The following JCAD variants were observed in gnomAD, a reference collection of about 807,000 sequenced individuals.
JCAD encodes junctional cadherin 5 associated, also known as junctional cadherin 5-associated protein.
In JCAD, 40 loss-of-function variants were observed where a neutral mutation model predicts 98.0. That is an observed-to-expected ratio of 0.41 (90% confidence interval 0.32 to 0.53). The LOEUF is 0.53. Among genes scored for constraint, JCAD ranks in the 20% least tolerant of loss-of-function variants. The pLI, the probability that JCAD is intolerant of heterozygous loss-of-function variation, is 0.31. For missense variants in JCAD, 1,705 were observed against 1,738.1 expected, an observed-to-expected ratio of 0.98 and a Z score of 0.34; for synonymous variants, 691 against 682.3, an observed-to-expected ratio of 1.01 and a Z score of -0.20.
At chr10:30,104,098 AGTT>A (rs1408183666) in intron 1 of JCAD, among the ~76,000 whole-genome samples, 1 of 152,212 alleles carries the variant, frequency 6.6e-6, no homozygotes, top group Non-Finnish European at 1.5e-5. Context: ...GAAACTGAGA[AGTT>A]AACTTACAGA....
intron 3 of JCAD, among the ~76,000 whole-genome samples, chr10:30,021,724 C>G (rs1277628368): frequency 6.6e-6 from 1 of 152,052 alleles, no homozygotes; most frequent in African/African-American, 2.4e-5. Flanking sequence ...TTTCAAGTGC[C>G]CAGTAGCTGT....
At chr10:30,052,116 TG>T (rs1228770290) in intron 1 of JCAD, among the ~76,000 whole-genome samples, 2 of 152,208 alleles carry the variant, frequency 1.3e-5, no homozygotes, top group Non-Finnish European at 2.9e-5. Context: ...TCTATTCAAA[TG>T]GAAGGGATTA....
At chr10:30,070,307 C>T (rs973671015) in intron 1 of JCAD, among the ~76,000 whole-genome samples, 1 of 152,118 alleles carries the variant, frequency 6.6e-6, no homozygotes, top group Non-Finnish European at 1.5e-5. Context: ...CTTTCTCTGA[C>T]CCCCTCCCTC....
At chr10:30,073,657 CCTTCCTTCCTTCCTTCCTTCCTTG>C (rs1837932281) in intron 1 of JCAD, among the ~76,000 whole-genome samples, 3 of 78,332 alleles carry the variant, frequency 3.8e-5, no homozygotes, top group South Asian at 3.6e-4. Flanking sequence ...GTCCTTCCTT[CCTTCCTTCCTTCCTTCCTTCCTTG>C]CTTCCTTCCT....
In JCAD at chr10:30,059,489, C is replaced by A. The variant is rs1335783585; in HGVS notation, c.-67G>T. 6.6e-6 allele frequency: 1 copy of A among 151,444 alleles called. No individual in the cohort carries two copies. Among genetic ancestry groups the A allele is most frequent in the Non-Finnish European group, 1.5e-5 (1 of 67,568 alleles). 9.4% of individuals were successfully genotyped at this position (151,444 alleles called of 1,614,324 possible). Reference sequence around the variant, plus strand: ...TTAGACGCCGGGACTTACCGAGCGGCTCCCTCATGCCGCCTCGCGCCGCCA... The same window carrying A: ...TTAGACGCCGGGACTTACCGAGCGGATCCCTCATGCCGCCTCGCGCCGCCA... On this transcript the variant is annotated 5_prime_UTR_variant, in exon 1 of 4. Coordinates refer to ENST00000375377, the MANE Select transcript of JCAD (RefSeq NM_020848.4). This position sits in a 1 kb window ranked among gnomAD's most constrained non-coding sequence, Gnocchi z 5.0.
chr10:30,029,279 C>G lies in JCAD; in HGVS notation c.869G>C (p.Gly290Ala). 6.2e-7 allele frequency: 1 copy of G among 1,614,108 alleles called. No individual in the cohort carries two copies. Among genetic ancestry groups the G allele is most frequent in the South Asian group, 1.1e-5 (1 of 91,076 alleles). The change falls in exon 3 of 4, where the codon GGG (glycine) becomes GCG (alanine). Residue 290 changes from glycine to alanine, a missense_variant. Physicochemically the swap from Gly to Ala is moderately conservative, Grantham distance 60. Coordinates refer to ENST00000375377, the MANE Select transcript of JCAD (RefSeq NM_020848.4). ...CSAPFPRPKF[G>A]RPLKPPSYSS... ...GTAAGATGGGGGCTTGAGGGGCCTC[C>G]CAAACTTAGGCCGGGGAAATGGGGC...
Position 30,096,301 on chromosome 10 carries a change from C to T in JCAD, n.128+19066G>A, listed in dbSNP as rs74789388. On this transcript the variant is annotated intron_variant and non_coding_transcript_variant, in intron 1 of 2. Transcript: ENST00000465712. ...CTGGAGCTCAACTCCTGCTGCACCA[C>T]CAACCCCACTGCCCTGAGCCTCAGT... Among the ~76,000 whole-genome samples the T allele has an allele frequency of 4.8e-3, 730 of 152,314 alleles. 2 individuals are homozygous for T. The highest frequency in any genetic ancestry group is 0.016 in the African/African-American group (682 of 41,574).
At chr10:30,047,085 T>C (rs765923639) in intron 2 of JCAD, among the ~76,000 whole-genome samples, 3 of 152,024 alleles carry the variant, frequency 2.0e-5, no homozygotes, top group Non-Finnish European at 2.9e-5. Context: ...AGACCTTGTC[T>C]CTAAAAAAGG....
At position 30,027,984 on chromosome 10, in the gene JCAD, A is replaced by G. The variant is rs750531450; in HGVS notation, c.2164T>C (p.Cys722Arg). The G allele has an allele frequency of 5.6e-6, 9 of 1,614,194 alleles. No homozygotes were observed. The highest frequency in any genetic ancestry group is 4.4e-5 in the South Asian group (4 of 91,078). Reference sequence around the variant, plus strand: ...GCTTCGGAGGCAGCAGGGTCTGAACATTTTGGACTCAATGCTGCACGACTC... The same window carrying G: ...GCTTCGGAGGCAGCAGGGTCTGAACGTTTTGGACTCAATGCTGCACGACTC... ...GPSRAALSPKCSDPAASEAQT... is the reference protein window; with the variant it reads ...GPSRAALSPKRSDPAASEAQT... The change falls in exon 3 of 4, where the codon TGT (cysteine) becomes CGT (arginine). Residue 722 changes from cysteine (C) to arginine (R), a missense_variant. This residue lies in a region of JCAD where 1,278 missense variants were observed against 1,243.1 expected (regional missense o/e 1.03). Transcript: ENST00000375377.
intron 2 of JCAD, among the ~76,000 whole-genome samples, chr10:30,036,371 C>T (rs1837109581): frequency 2.0e-5 from 3 of 152,162 alleles, no homozygotes; most frequent in Middle Eastern, 6.8e-3. Flanking sequence ...ATGGCTTGAA[C>T]CCAGGAGGTG....
chr10:30,073,661 C>CCTTCCTTT (rs1256133628), intron 1 of JCAD, among the ~76,000 whole-genome samples: 3 of 88,970 alleles, frequency 3.4e-5, no homozygotes, highest in African/African-American at 1.3e-4. Context: ...TTCCTTCCTT[C>CCTTCCTTT]CTTCCTTCCT....
At chr10:30,099,145 T>C (rs1012545874) in intron 1 of JCAD, among the ~76,000 whole-genome samples, 7 of 152,206 alleles carry the variant, frequency 4.6e-5, no homozygotes, top group African/African-American at 1.7e-4. Context: ...TAAAGAAAAT[T>C]ATTTAAAAGT....
rs142360840 is a variant in JCAD at position 30,028,413 on chromosome 10, T to C, written c.1735A>G (p.Ile579Val). Residue 579 changes from isoleucine to valine, a missense_variant, in exon 3 of 4, where the codon ATA (isoleucine) becomes GTA (valine). Ile to Val is a conservative substitution (Grantham distance 29). Coordinates refer to ENST00000375377, the MANE Select transcript of JCAD (RefSeq NM_020848.4). Reference protein sequence around the residue: ...KSSKKKMNETIFCLVSIPVKS... With the variant: ...KSSKKKMNETVFCLVSIPVKS... ...ACTGGGATAGAAACCAAGCAAAATA[T>C]AGTCTCGTTCATTTTTTTCTTTGAA... is the stretch of plus-strand genomic sequence containing the variant. The C allele has an allele frequency of 4.4e-4, 718 of 1,614,218 alleles. 3 individuals are homozygous for C. In the African/African-American group the frequency reaches 8.4e-3, roughly 19 times the overall value.
Position 30,028,745 on chromosome 10 carries a change from A to C in JCAD, c.1403T>G (p.Met468Arg). 6.2e-7 allele frequency: 1 copy of C among 1,614,182 alleles called. No homozygotes were observed. The highest frequency in any genetic ancestry group is 1.3e-5 in the African/African-American group (1 of 75,060). ...VTAQEPAHGG[M>R]QPDGAIWNPQ... The stretch of plus-strand genomic sequence containing the variant: ...ATTCCAAATGGCACCATCAGGCTGC[A>C]TTCCTCCATGAGCCGGCTCTTGAGC... The change falls in exon 3 of 4, where the codon ATG becomes AGG. Residue 468 changes from methionine to arginine, a missense_variant. Transcript: ENST00000375377.
At chr10:30,106,577 C>A (rs187026289) in intron 1 of JCAD, among the ~76,000 whole-genome samples, 1 of 152,212 alleles carries the variant, frequency 6.6e-6, no homozygotes, top group East Asian at 1.9e-4. Context: ...CTCGGCTTAC[C>A]GCAACCTCTG....
At position 30,031,990 on chromosome 10, in the gene JCAD, G is replaced by A. The variant is rs936625970; in HGVS notation, c.282-2124C>T. Among the ~76,000 whole-genome samples, 19 of 151,426 alleles carry A rather than the reference G, an allele frequency of 1.3e-4. 1 individual carries two copies. Among genetic ancestry groups the A allele is most frequent in the African/African-American group, 9.7e-5 (4 of 41,156 alleles). ...GGGATGGTCTCGATCTCCTGACCTC[G>A]TGATCCGCCCGCCTCGGCCTCCCAA... On this transcript the variant is annotated intron_variant, in intron 2 of 3. Coordinates refer to ENST00000375377, the MANE Select transcript of JCAD (RefSeq NM_020848.4).
At chr10:30,109,008 C>T (rs1012624690) in intron 1 of JCAD, among the ~76,000 whole-genome samples, 2 of 152,132 alleles carry the variant, frequency 1.3e-5, no homozygotes, top group African/African-American at 4.8e-5. Flanking sequence ...GTTGAAACAA[C>T]GGGAGCCTGA....
intron 1 of JCAD, among the ~76,000 whole-genome samples, chr10:30,080,858 A>G (rs1005787174): frequency 2.0e-5 from 3 of 152,176 alleles, no homozygotes; most frequent in Non-Finnish European, 4.4e-5. Flanking sequence ...CTTTCCAAGA[A>G]CTGCCCTCTT....
chr10:30,061,486 G>A (rs1837699685), upstream of JCAD, among the ~76,000 whole-genome samples: 1 of 151,368 alleles, frequency 6.6e-6, no homozygotes, highest in Admixed American at 6.6e-5. Flanking sequence ...AGGTTGCAGT[G>A]AGCCAGGATC....
Sources: gnomAD v4.1 joint callset for allele counts (sites outside exome capture counted in the v4.1 genomes callset) on GRCh38, gnomAD v4.1.1 for gene constraint, gnomAD v4.1.1 regional missense constraint, Gnocchi (gnomAD v3.1) non-coding constraint, MANE v1.5 for transcripts, NCBI Gene and HGNC (gene_info 2026-07-23, HGNC 2026-07-21) for gene names.